Variants in XRN1 observed in about 807,000 individuals in gnomAD.
The protein encoded by XRN1 is 5'-3' exoribonuclease 1.
Under a neutral mutation model 222.3 loss-of-function variants are expected in XRN1, and 67 were observed. The ratio of observed to expected loss-of-function variants is 0.30; its 90% CI spans 0.25 to 0.37. XRN1 has a LOEUF of 0.37. Ranked by LOEUF, XRN1 falls within the 10% of genes least tolerant of loss-of-function variation. The probability of loss-of-function intolerance (pLI) is 1.00; values close to 1 mark genes in which losing one functional copy is unlikely to be tolerated. For synonymous variants in XRN1, 643 were observed against 652.4 expected (o/e 0.99, Z 0.22); for missense variants, 1,707 against 2,000.2 (o/e 0.85, Z 2.80).
intron 20 of XRN1, among the ~76,000 whole-genome samples, chr3:142,391,008 A>G (rs2067691716): frequency 6.6e-6 from 1 of 152,196 alleles, no homozygotes; most frequent in African/African-American, 2.4e-5. Flanking sequence ...CACCATCTCA[A>G]ATGGGCATGG....
intron 29 of XRN1, 29 bp from the exon 30 acceptor site, chr3:142,359,960 A>G (rs750740516): frequency 1.8e-5 from 27 of 1,492,644 alleles, no homozygotes; most frequent in Admixed American, 6.1e-5. Flanking sequence ...AAAAAGAGAC[A>G]CTAAAAAATC....
At position 142,318,579 on chromosome 3, in the gene XRN1, A is replaced by G. The variant is rs1438729583; in HGVS notation, c.4621+13T>C. The G allele has an allele frequency of 2.5e-6, 4 of 1,583,616 alleles. No homozygotes were observed. The Admixed American group carries it at 7.3e-5, about 29-fold the overall frequency. On this transcript the variant is annotated intron_variant, in intron 39 of 40. Coordinates refer to ENST00000392981, the MANE Select transcript of XRN1 (RefSeq NM_001282857.2). ...ACTCAATGACAAATACTTATAAATG[A>G]AAAATATCTTACCAGTAGGTGGGGG...
intron 20 of XRN1, among the ~76,000 whole-genome samples, chr3:142,393,616 G>T (rs2067819282): frequency 6.6e-6 from 1 of 151,940 alleles, no homozygotes; most frequent in South Asian, 2.1e-4. Context: ...TCTCAGGTTT[G>T]TCAAAGATCA....
intron 16 of XRN1, among the ~76,000 whole-genome samples, chr3:142,404,542 A>G (rs1351965): frequency 0.75 from 113,864 of 152,110 alleles, 43,683 homozygotes; most frequent in African/African-American, 0.92. Flanking sequence ...TATAATCAAT[A>G]TCACAGCGTA....
chr3:142,434,012 T>C (rs996954200), intron 1 of XRN1, among the ~76,000 whole-genome samples: 1 of 152,246 alleles, frequency 6.6e-6, no homozygotes, highest in Non-Finnish European at 1.5e-5. Flanking sequence ...ATGTTCTTAC[T>C]GACAGGCTGA....
chr3:142,346,149 T>C (rs2066138427), intron 33 of XRN1, among the ~76,000 whole-genome samples: 1 of 152,146 alleles, frequency 6.6e-6, no homozygotes, highest in Admixed American at 6.5e-5. Flanking sequence ...TACAAATGGA[T>C]GAACCGATAA....
chr3:142,340,700 A>G lies in XRN1; in HGVS notation c.3878-5191T>C, dbSNP rs543883743. 5.6e-4 allele frequency among the ~76,000 whole-genome samples: 85 copies of G among 152,182 alleles called. 3 individuals carry two copies. Among genetic ancestry groups the G allele is most frequent in the Middle Eastern group, 3.4e-3 (1 of 294 alleles). ...AGAGAAAAGAAACAAATAACATACA[A>G]TGGAACTACAATACATCTGGCAGCA... On this transcript the variant is annotated intron_variant, in intron 33 of 40. Transcript: ENST00000392981.
intron 27 of XRN1, 108 bp from the exon 28 acceptor site, chr3:142,365,474 TTAA>T: frequency 2.6e-6 from 2 of 761,094 alleles, no homozygotes. Flanking sequence ...AATGAAGAGA[TTAA>T]TTTTTAAAAT....
At chr3:142,412,735 A>G (rs1008619270) in intron 14 of XRN1, 72 bp from the exon 15 acceptor site, 4 of 1,207,716 alleles carry the variant, frequency 3.3e-6, no homozygotes, top group African/African-American at 3.1e-5. Context: ...TAATGTATTT[A>G]TAATATTTCC....
intron 10 of XRN1, among the ~76,000 whole-genome samples, chr3:142,419,869 C>T (rs2068937762): frequency 6.6e-6 from 1 of 151,354 alleles, no homozygotes. Flanking sequence ...AAGAATTTTT[C>T]ACAAGAGGTT....
At chr3:142,340,384 A>G (rs1401443969) in intron 33 of XRN1, among the ~76,000 whole-genome samples, 1 of 151,704 alleles carries the variant, frequency 6.6e-6, no homozygotes, top group Non-Finnish European at 1.5e-5. Flanking sequence ...AGAGAAGAGA[A>G]AAGAGAAAAG....
At chr3:142,369,426 C>T (rs532027161) in intron 27 of XRN1, among the ~76,000 whole-genome samples, 24 of 151,962 alleles carry the variant, frequency 1.6e-4, no homozygotes, top group African/African-American at 4.8e-4. Context: ...GCAGGTGGAT[C>T]ACCTGAGGTC....
Position 142,403,834 on chromosome 3 carries a change from A to G in XRN1, c.2004+35T>C, listed in dbSNP as rs753583186. The G allele has an allele frequency of 1.6e-5, 25 of 1,611,468 alleles. No homozygotes were observed. The Admixed American group carries it at 4.2e-4, about 27-fold the overall frequency. On this transcript the variant is annotated intron_variant, in intron 17 of 40. Coordinates refer to ENST00000392981, the MANE Select transcript of XRN1 (RefSeq NM_001282857.2). The stretch of plus-strand genomic sequence containing the variant: ...TCTCCATAATCACTTCACACTTAAT[A>G]AAGTGAAAAAATTCTGAACTAAATA...
At chr3:142,367,399 T>C (rs1338096025) in intron 27 of XRN1, among the ~76,000 whole-genome samples, 1 of 152,144 alleles carries the variant, frequency 6.6e-6, no homozygotes, top group Non-Finnish European at 1.5e-5. Context: ...TACCTGAAAG[T>C]TTGAGAAGCA....
intron 4 of XRN1, 40 bp downstream of exon 4, chr3:142,425,389 A>G (rs1464635552): frequency 6.3e-7 from 1 of 1,578,648 alleles, no homozygotes; most frequent in Non-Finnish European, 8.6e-7. Flanking sequence ...AGAATATTAA[A>G]TACTTTTTTT....
In XRN1 at chr3:142,423,035, A is replaced by C. The variant is rs2069103830; in HGVS notation, c.711-113T>G. 3.6e-5 allele frequency: 28 copies of C among 784,372 alleles called. No homozygotes were observed. In the South Asian group the frequency reaches 4.9e-4, roughly 14 times the overall value. 48.6% of individuals were successfully genotyped at this position (784,372 alleles called of 1,614,324 possible). On this transcript the variant is annotated intron_variant, in intron 6 of 40. Transcript: ENST00000392981. ...CATCAGAAGATAGTAAGGTCTTGTA[A>C]TTAAGGCATACAATTTATATGAAGG...
intron 14 of XRN1, among the ~76,000 whole-genome samples, chr3:142,413,889 G>A (rs1437143039): frequency 1.3e-5 from 2 of 152,150 alleles, no homozygotes; most frequent in African/African-American, 4.8e-5. Flanking sequence ...TTGAAAATCT[G>A]TTTAAAGGTG....
Position 142,418,938 on chromosome 3 carries a change from T to C in XRN1, c.1174-57A>G. 13 of 1,511,316 alleles carry C rather than the reference T, an allele frequency of 8.6e-6. No individual in the cohort carries two copies. The South Asian group carries it at 1.0e-4, about 12-fold the overall frequency. 93.6% of individuals were successfully genotyped at this position (1,511,316 alleles called of 1,614,324 possible). A position where few individuals can be genotyped will look rare whatever the true frequency, so the allele number is the denominator to read the frequency against. ...GCAAGATACATTTCAAAATGAGATG[T>C]CATTTCTCTTCCATGCACCCATTTG... On this transcript the variant is annotated intron_variant, in intron 10 of 40. Coordinates refer to ENST00000392981, the MANE Select transcript of XRN1 (RefSeq NM_001282857.2).
rs763371344 is a variant in XRN1 at position 142,329,394 on chromosome 3, G to A, written c.4404+40C>T. 23 of 1,293,388 alleles carry A rather than the reference G, an allele frequency of 1.8e-5. No individual in the cohort carries two copies. The African/African-American group carries it at 3.5e-4, about 19-fold the overall frequency. 80.1% of individuals were successfully genotyped at this position (1,293,388 alleles called of 1,614,324 possible). A position where few individuals can be genotyped will look rare whatever the true frequency, so the allele number is the denominator to read the frequency against. On this transcript the variant is annotated intron_variant, in intron 37 of 40. Coordinates refer to ENST00000392981, the MANE Select transcript of XRN1 (RefSeq NM_001282857.2). Reference sequence around the variant, plus strand: ...TTCAACCAATTTATTTAAGCTTAATGTTAAATAATTTATATAAATAGAACA... The same window carrying A: ...TTCAACCAATTTATTTAAGCTTAATATTAAATAATTTATATAAATAGAACA...
Sources: allele counts gnomAD v4.1 joint callset (sites outside exome capture counted in the v4.1 genomes callset), GRCh38; gene constraint gnomAD v4.1.1; transcripts MANE v1.5; gene names NCBI Gene and HGNC (gene_info 2026-07-23, HGNC 2026-07-21).